Variants in TBCD observed in about 807,000 individuals in gnomAD.
The protein encoded by TBCD is tubulin-specific chaperone D.
A neutral mutation model predicts 169.3 loss-of-function variants in TBCD; 105 were observed. The observed-to-expected ratio is 0.62, with a 90% CI of 0.53 to 0.73. TBCD has a LOEUF of 0.73. Ranked by LOEUF, TBCD falls within the 30% of genes least tolerant of loss-of-function variation. The pLI is 0.00. For synonymous variants in TBCD, 700 were observed against 643.9 expected, an observed-to-expected ratio of 1.09 and a Z score of -1.32; for missense variants, 1,444 against 1,600.1, an observed-to-expected ratio of 0.90 and a Z score of 1.66.
intron 1 of TBCD, 67 bp downstream of exon 1, chr17:82,752,444 A>C (rs1680243383): frequency 3.5e-6 from 4 of 1,132,892 alleles, no homozygotes; most frequent in Non-Finnish European, 3.3e-6. Context: ...AGTGCACTTT[A>C]CCGGGCGGGG....
intron 2 of TBCD, 123 bp downstream of exon 2, chr17:82,756,338 G>A: frequency 9.7e-7 from 1 of 1,029,350 alleles, no homozygotes; most frequent in Non-Finnish European, 1.5e-6. Context: ...TCCCTGTCTT[G>A]CTTGCCTGGC....
intron 2 of TBCD, among the ~76,000 whole-genome samples, chr17:82,757,865 T>A (rs750543914): frequency 6.6e-6 from 1 of 152,074 alleles, no homozygotes; most frequent in Non-Finnish European, 1.5e-5. Context: ...GGTCTTGGGT[T>A]CCTGGAGTTC....
intron 13 of TBCD, among the ~76,000 whole-genome samples, chr17:82,866,973 C>T (rs188786823): frequency 9.1e-4 from 138 of 152,338 alleles, no homozygotes; most frequent in Middle Eastern, 6.8e-3. Context: ...GGAAGGCCTG[C>T]GTGTGTGTGT....
At chr17:82,761,721 C>CT (rs888633545) in intron 2 of TBCD, among the ~76,000 whole-genome samples, 4 of 145,532 alleles carry the variant, frequency 2.7e-5, no homozygotes, top group Non-Finnish European at 3.0e-5. Context: ...TTTGTTTCTT[C>CT]TTTTTTTTTT....
intron 19 of TBCD, among the ~76,000 whole-genome samples, chr17:82,904,829 A>G (rs1030757952): frequency 1.3e-5 from 2 of 152,038 alleles, no homozygotes; most frequent in East Asian, 1.9e-4. Flanking sequence ...GCGCTCCCCT[A>G]CTTTTCAGTG....
At chr17:82,910,669 G>A (rs1475103275) in intron 22 of TBCD, among the ~76,000 whole-genome samples, 3 of 151,860 alleles carry the variant, frequency 2.0e-5, no homozygotes, top group Non-Finnish European at 4.4e-5. Flanking sequence ...ACGTTCAAGC[G>A]ACTCTCCTGT....
chr17:82,907,731 G>T (rs753317260), intron 20 of TBCD, 30 bp from the exon 21 acceptor site: 1 of 1,612,948 alleles, frequency 6.2e-7, no homozygotes, highest in Non-Finnish European at 8.5e-7. Flanking sequence ...TGGGGAGTGT[G>T]ACTTCAGCTC....
intron 13 of TBCD, among the ~76,000 whole-genome samples, chr17:82,818,586 T>C (rs1420135377): frequency 6.6e-6 from 1 of 152,066 alleles, no homozygotes; most frequent in Admixed American, 6.5e-5. Context: ...GACATCATAG[T>C]GAGACACCCT....
chr17:82,806,113 T>G lies in TBCD; in HGVS notation c.1087+102T>G. ...CCTTCTTCCTTGCTGGTGCCGGCAC[T>G]GTCTGGCCACCCGTCCCCTTCGCTG... On this transcript the variant is annotated intron_variant, in intron 10 of 38. Transcript: ENST00000355528. The surrounding 1 kb of genome is among the most constrained non-coding windows in gnomAD (Gnocchi z 5.1). 6.8e-7 allele frequency: 1 copy of G among 1,477,418 alleles called. No individual in the cohort carries two copies. The highest frequency in any genetic ancestry group is 9.1e-7 in the Non-Finnish European group (1 of 1,095,172). The allele number at this position is 1,477,418 out of a possible 1,614,324, so 91.5% of individuals were successfully genotyped here. A position where few individuals can be genotyped will look rare whatever the true frequency, so the allele number is the denominator to read the frequency against.
intron 23 of TBCD, chr17:82,913,297 CGACCTTCACGT>C: frequency 6.6e-6 from 1 of 152,448 alleles, no homozygotes; most frequent in Admixed American, 6.5e-5. Context: ...GACCTTCACA[CGACCTTCACGT>C]GCTCCCCGTG....
Position 82,937,103 on chromosome 17 carries a change from G to T in TBCD, c.3192-168G>T, listed in dbSNP as rs543585161. ...CTAGGGACCAGGCCGGCCTGTGGAG[G>T]TATTGGGATGGGGACCAGCGGACTT... On this transcript the variant is annotated intron_variant, in intron 34 of 38. Coordinates refer to ENST00000355528, the MANE Select transcript of TBCD (RefSeq NM_005993.5). 2.1e-5 allele frequency: 13 copies of T among 616,774 alleles called. No homozygotes were observed. The African/African-American group carries it at 2.2e-4, about 10-fold the overall frequency. 38.2% of individuals were successfully genotyped at this position (616,774 alleles called of 1,614,324 possible). A position where few individuals can be genotyped will look rare whatever the true frequency, so the allele number is the denominator to read the frequency against.
chr17:82,927,458 G>A, intron 29 of TBCD, 135 bp downstream of exon 29: 2 of 1,270,890 alleles, frequency 1.6e-6, no homozygotes, highest in East Asian at 2.5e-5. Flanking sequence ...AAGGCTCTGG[G>A]GAAGATGACC....
chr17:82,865,796 G>T (rs1351378964), intron 13 of TBCD, among the ~76,000 whole-genome samples: 4 of 152,222 alleles, frequency 2.6e-5, no homozygotes, highest in African/African-American at 7.2e-5. Flanking sequence ...GCCCCTTGGG[G>T]TCACATATTG....
In TBCD at chr17:82,805,980, C is replaced by T. The variant is rs756914136; in HGVS notation, c.1056C>T (p.Asp352=). 16 of 1,613,648 alleles carry T rather than the reference C, an allele frequency of 9.9e-6. No homozygotes were observed. The highest frequency in any genetic ancestry group is 4.0e-5 in the African/African-American group (3 of 74,912). The change falls in exon 10 of 39, where the codon GAC becomes GAT. Residue 352 remains aspartate (D), a synonymous_variant. Transcript: ENST00000355528. ...LILTEDDDED[D]DVPEGVERVI... ...TGACCGAAGATGACGACGAAGATGA[C>T]GACGTCCCAGAGGGGGTGGAGCGTG... is the stretch of plus-strand genomic sequence containing the variant.
In TBCD at chr17:82,884,084, C is replaced by A; in HGVS notation, c.1476-61C>A. ...TGAGAGAAAGGCTTTCTCATCGATACTGTGTGGTCTGTACTGTTTTGCAGA... is the reference window on the plus strand; with the variant it reads ...TGAGAGAAAGGCTTTCTCATCGATAATGTGTGGTCTGTACTGTTTTGCAGA... On this transcript the variant is annotated intron_variant, in intron 14 of 38. Coordinates refer to ENST00000355528, the MANE Select transcript of TBCD (RefSeq NM_005993.5). The surrounding 1 kb of genome is among the most constrained non-coding windows in gnomAD (Gnocchi z 4.2). 4 of 1,479,928 alleles carry A rather than the reference C, an allele frequency of 2.7e-6. No homozygotes were observed. The highest frequency in any genetic ancestry group is 3.7e-6 in the Non-Finnish European group (4 of 1,080,140). 91.7% of individuals were successfully genotyped at this position (1,479,928 alleles called of 1,614,324 possible).
At chr17:82,795,629 C>T in intron 7 of TBCD, 15 of 984,552 alleles carry the variant, frequency 1.5e-5, no homozygotes, top group Non-Finnish European at 1.8e-5. Flanking sequence ...CTCGCAGGTT[C>T]ATTTGTTGTG....
chr17:82,831,332 C>T lies in TBCD; in HGVS notation c.1318+16398C>T, dbSNP rs769781285. On this transcript the variant is annotated intron_variant, in intron 13 of 38. Transcript: ENST00000355528. This position sits in a 1 kb window ranked among gnomAD's most constrained non-coding sequence, Gnocchi z 4.6. ...TCAGGAATTGGACTTTCGAACTCGA[C>T]GTGTTTTCTGTTGGGGTCCGAAGGG... 10 of 1,614,018 alleles carry T rather than the reference C, an allele frequency of 6.2e-6. No individual in the cohort carries two copies. The East Asian group carries it at 6.7e-5, about 11-fold the overall frequency.
At chr17:82,766,781 A>G (rs1162286470) in intron 4 of TBCD, among the ~76,000 whole-genome samples, 1 of 152,222 alleles carries the variant, frequency 6.6e-6, no homozygotes, top group Non-Finnish European at 1.5e-5. Context: ...CAGCAAAATC[A>G]GCAAAGGGAA....
intron 13 of TBCD, among the ~76,000 whole-genome samples, chr17:82,839,549 G>A (rs1598842981): frequency 6.6e-6 from 1 of 152,116 alleles, no homozygotes; most frequent in Admixed American, 6.5e-5. Context: ...TCACCCTAAT[G>A]TACATACACC....
Sources: allele counts gnomAD v4.1 joint callset (sites outside exome capture counted in the v4.1 genomes callset), GRCh38; gene constraint gnomAD v4.1.1; non-coding constraint Gnocchi (gnomAD v3.1); transcripts MANE v1.5; gene names NCBI Gene and HGNC (gene_info 2026-07-23, HGNC 2026-07-21).